Variants in TRHDE observed in about 807,000 individuals in gnomAD.
TRHDE encodes the protein thyrotropin-releasing hormone-degrading ectoenzyme.
Under a neutral mutation model 125.7 loss-of-function variants are expected in TRHDE, and 72 were observed. The observed-to-expected ratio is 0.57, with a 90% CI of 0.47 to 0.70. TRHDE has a LOEUF of 0.70. Ranked by LOEUF, TRHDE falls within the 30% of genes least tolerant of loss-of-function variation. The pLI is 0.00. For synonymous variants in TRHDE, 509 were observed against 509.1 expected (o/e 1.00, Z 0.00); for missense variants, 1,110 against 1,327.1 (o/e 0.84, Z 2.54).
chr12:72,253,582 G>A (rs961117604), intron 2 of TRHDE: 1 of 152,074 alleles, frequency 6.6e-6, no homozygotes, highest in Admixed American at 6.5e-5. Context: ...TACAGAAATT[G>A]CTCACACATC....
chr12:72,655,149 TGC>T (rs1874658297), intron 17 of TRHDE, among the ~76,000 whole-genome samples: 1 of 152,112 alleles, frequency 6.6e-6, no homozygotes, highest in Non-Finnish European at 1.5e-5. Flanking sequence ...CACAGCTCTT[TGC>T]AGCCTTGACC....
intron 2 of TRHDE, among the ~76,000 whole-genome samples, chr12:72,184,347 G>T (rs1213540869): frequency 6.6e-6 from 1 of 152,062 alleles, no homozygotes; most frequent in Non-Finnish European, 1.5e-5. Flanking sequence ...GCCTGAGCAA[G>T]ATGATTACAG....
At chr12:72,534,712 TATTATC>T (rs1868761190) in intron 6 of TRHDE, among the ~76,000 whole-genome samples, 3 of 152,132 alleles carry the variant, frequency 2.0e-5, no homozygotes, top group Admixed American at 1.3e-4. Context: ...ATGGAAATAT[TATTATC>T]ATTATCATTA....
intron 2 of TRHDE, among the ~76,000 whole-genome samples, chr12:72,352,184 T>C (rs577784540): frequency 5.1e-4 from 77 of 151,894 alleles, no homozygotes; most frequent in African/African-American, 1.7e-3. Flanking sequence ...TAAGCTTAAA[T>C]TGAATGATTG....
intron 3 of TRHDE, among the ~76,000 whole-genome samples, chr12:72,395,527 A>G (rs1299519488): frequency 6.6e-6 from 1 of 152,024 alleles, no homozygotes; most frequent in Non-Finnish European, 1.5e-5. Context: ...TAGAATTCCC[A>G]ACCTACTAAT....
At chr12:72,475,662 G>T (rs1181146619) in intron 5 of TRHDE, among the ~76,000 whole-genome samples, 1 of 152,100 alleles carries the variant, frequency 6.6e-6, no homozygotes, top group Admixed American at 6.6e-5. Flanking sequence ...TAAGACAACT[G>T]AGACTTTGTT....
At chr12:72,256,852 A>T (rs145773461) in intron 2 of TRHDE, 17 of 152,344 alleles carry the variant, frequency 1.1e-4, no homozygotes, top group African/African-American at 3.8e-4. Context: ...TCTCATCAGC[A>T]CAGAGATGAA....
chr12:72,552,675 G>A (rs1435079912), intron 7 of TRHDE, among the ~76,000 whole-genome samples: 1 of 152,142 alleles, frequency 6.6e-6, no homozygotes, highest in East Asian at 1.9e-4. Flanking sequence ...CCTTTTGGTA[G>A]CCTGTAAATT....
At position 72,597,736 on chromosome 12, in the gene TRHDE, T is replaced by C. The variant is rs1156926883; in HGVS notation, c.2322-21155T>C. On this transcript the variant is annotated intron_variant, in intron 12 of 18. Transcript: ENST00000261180. ...ATGTATATATATATATATATATATA[T>C]ATATATATATATATATATATATGCA... Among the ~76,000 whole-genome samples the C allele has an allele frequency of 2.2e-3, 18 of 8,226 alleles. 1 individual carries two copies. The highest frequency in any genetic ancestry group is 4.6e-3 in the Non-Finnish European group (17 of 3,672). 5.4% of individuals were successfully genotyped at this position (8,226 alleles called of 152,430 possible).
chr12:72,255,152 A>C (rs182290390), intron 2 of TRHDE: 3 of 152,216 alleles, frequency 2.0e-5, no homozygotes, highest in African/African-American at 7.2e-5. Context: ...TCTTCCCCTC[A>C]AATCTGTCCC....
At chr12:72,562,789 T>C in intron 8 of TRHDE, 64 bp from the exon 9 acceptor site, 1 of 1,063,550 alleles carries the variant, frequency 9.4e-7, no homozygotes, top group South Asian at 1.9e-5. Flanking sequence ...TAAAAATGTC[T>C]TAATGTTAAT....
chr12:72,271,509 G>A (rs1037503233), upstream of TRHDE, among the ~76,000 whole-genome samples: 2 of 152,114 alleles, frequency 1.3e-5, no homozygotes, highest in African/African-American at 4.8e-5. Flanking sequence ...AGGCGGCTCA[G>A]CAACCCCCTC....
intron 7 of TRHDE, among the ~76,000 whole-genome samples, chr12:72,561,445 A>T (rs892572765): frequency 6.6e-6 from 1 of 152,254 alleles, no homozygotes; most frequent in African/African-American, 2.4e-5. Flanking sequence ...CAAACCAGCC[A>T]TAACTAAATA....
At chr12:72,302,716 G>A (rs1868279978) in intron 2 of TRHDE, among the ~76,000 whole-genome samples, 1 of 152,112 alleles carries the variant, frequency 6.6e-6, no homozygotes, top group Non-Finnish European at 1.5e-5. Flanking sequence ...TCTCTTCGTG[G>A]AACTTATTTG....
chr12:72,309,555 A>G (rs1823980821), intron 2 of TRHDE: 1 of 152,162 alleles, frequency 6.6e-6, no homozygotes, highest in African/African-American at 2.4e-5. Context: ...TGATGCAGAT[A>G]AGAAGTATAT....
At chr12:72,312,765 C>T (rs1242012291) in intron 2 of TRHDE, among the ~76,000 whole-genome samples, 1 of 152,128 alleles carries the variant, frequency 6.6e-6, no homozygotes, top group Non-Finnish European at 1.5e-5. Context: ...AGATAAACAT[C>T]AGCTTCGTAG....
chr12:72,308,664 T>A (rs2025516313), intron 2 of TRHDE, among the ~76,000 whole-genome samples: 1 of 152,240 alleles, frequency 6.6e-6, no homozygotes, highest in Non-Finnish European at 1.5e-5. Flanking sequence ...AATAATTTAA[T>A]GTTATACACT....
chr12:72,091,430 A>G (rs1874788507), intron 1 of TRHDE, among the ~76,000 whole-genome samples: 3 of 152,180 alleles, frequency 2.0e-5, no homozygotes, highest in African/African-American at 7.2e-5. Context: ...AAATCTGATA[A>G]ATTCTGAAAA....
intron 2 of TRHDE, among the ~76,000 whole-genome samples, chr12:72,154,519 G>A (rs1876456186): frequency 6.6e-6 from 1 of 152,196 alleles, no homozygotes; most frequent in Non-Finnish European, 1.5e-5. Flanking sequence ...GCATGTTTTT[G>A]CAGTGGCTGA....
Sources: allele counts gnomAD v4.1 joint callset (sites outside exome capture counted in the v4.1 genomes callset), GRCh38; gene constraint gnomAD v4.1.1; transcripts MANE v1.5; gene names NCBI Gene and HGNC (gene_info 2026-07-23, HGNC 2026-07-21).